The following SLC35D4 variants were observed in gnomAD, a reference collection of about 807,000 sequenced individuals.
SLC35D4 encodes UDP-N-acetylglucosamine transporter SLC35D4.
At chr18:23,285,682 C>T in the SLC35D4 span, among the ~76,000 whole-genome samples, 1 of 152,104 alleles carries the variant, frequency 6.6e-6, no homozygotes, top group Non-Finnish European at 1.5e-5. Flanking sequence ...TCTTCCTTTT[C>T]TACAGACCTA....
the SLC35D4 span, among the ~76,000 whole-genome samples, chr18:23,256,081 A>C: frequency 1.1e-4 from 16 of 152,192 alleles, no homozygotes; most frequent in African/African-American, 3.9e-4. Context: ...TTGACCAGCC[A>C]CTTACGGTAG....
chr18:23,399,501 G>A, the SLC35D4 span: 6 of 1,442,020 alleles, frequency 4.2e-6, no homozygotes, highest in Admixed American at 1.0e-4. Flanking sequence ...GCTGAGGCAT[G>A]ATAAGTTAAA....
the SLC35D4 span, among the ~76,000 whole-genome samples, chr18:23,271,637 T>C: frequency 6.6e-6 from 1 of 152,138 alleles, no homozygotes; most frequent in South Asian, 2.1e-4. Flanking sequence ...GTTAATGAGG[T>C]GACTCTTGGT....
At chr18:23,333,542 C>T in the SLC35D4 span, among the ~76,000 whole-genome samples, 1 of 152,162 alleles carries the variant, frequency 6.6e-6, no homozygotes, top group Non-Finnish European at 1.5e-5. Context: ...CTGAATGGCA[C>T]AGCCAAATGG....
the SLC35D4 span, among the ~76,000 whole-genome samples, chr18:23,308,557 C>A: frequency 6.6e-6 from 1 of 152,136 alleles, no homozygotes; most frequent in South Asian, 2.1e-4. Context: ...CCTACCATGT[C>A]TCCCCACCTC....
chr18:23,337,600 G>A, the SLC35D4 span, among the ~76,000 whole-genome samples: 2 of 152,004 alleles, frequency 1.3e-5, no homozygotes, highest in African/African-American at 4.8e-5. Flanking sequence ...AATGGTCTTG[G>A]AGATATTCTA....
the SLC35D4 span, chr18:23,399,629 C>T: frequency 6.2e-7 from 1 of 1,613,772 alleles, no homozygotes; most frequent in Non-Finnish European, 8.5e-7. Context: ...AAGCAGGAAG[C>T]CACACAAGAA....
chr18:23,308,403 G>A, the SLC35D4 span, among the ~76,000 whole-genome samples: 1 of 151,996 alleles, frequency 6.6e-6, no homozygotes, highest in African/African-American at 2.4e-5. Flanking sequence ...TGCCCAGTAC[G>A]CCTCCACCAC....
chr18:23,361,078 G>C, the SLC35D4 span, among the ~76,000 whole-genome samples: 1 of 122,942 alleles, frequency 8.1e-6, no homozygotes, highest in South Asian at 2.7e-4. Flanking sequence ...CTACAGCCTG[G>C]GCAAGAGAGT....
At chr18:23,326,152 G>C in the SLC35D4 span, among the ~76,000 whole-genome samples, 1 of 152,214 alleles carries the variant, frequency 6.6e-6, no homozygotes, top group Non-Finnish European at 1.5e-5. Context: ...TCAGGACAAA[G>C]CATCTAGTCC....
At chr18:23,242,527 G>A in the SLC35D4 span, among the ~76,000 whole-genome samples, 3 of 152,286 alleles carry the variant, frequency 2.0e-5, no homozygotes, top group South Asian at 4.1e-4. Flanking sequence ...GCCCAGGTCG[G>A]TAGTGGGTTT....
the SLC35D4 span, among the ~76,000 whole-genome samples, chr18:23,303,252 G>A: frequency 6.6e-6 from 1 of 152,196 alleles, no homozygotes; most frequent in Non-Finnish European, 1.5e-5. Context: ...ATTCCTTCAG[G>A]CTGAAAACAC....
the SLC35D4 span, among the ~76,000 whole-genome samples, chr18:23,246,399 GTTTT>G: frequency 6.7e-6 from 1 of 148,884 alleles, no homozygotes; most frequent in Non-Finnish European, 1.5e-5. Flanking sequence ...TTGTTTTTTG[GTTTT>G]TTTTTTGAGA....
At chr18:23,384,230 G>A in the SLC35D4 span, among the ~76,000 whole-genome samples, 1 of 152,140 alleles carries the variant, frequency 6.6e-6, no homozygotes, top group Non-Finnish European at 1.5e-5. Context: ...ATTTGAGGCT[G>A]CAGGGAACTA....
the SLC35D4 span, among the ~76,000 whole-genome samples, chr18:23,262,028 TTGG>T: frequency 6.6e-6 from 1 of 152,192 alleles, no homozygotes; most frequent in Non-Finnish European, 1.5e-5. Context: ...CCATTCCTCC[TTGG>T]TGATTTGTAT....
chr18:23,372,315 AC>A, the SLC35D4 span, among the ~76,000 whole-genome samples: 3 of 152,144 alleles, frequency 2.0e-5, no homozygotes, highest in African/African-American at 4.8e-5. Flanking sequence ...GGGCATTAGA[AC>A]AGGGGTAAAC....
the SLC35D4 span, among the ~76,000 whole-genome samples, chr18:23,426,367 C>T: frequency 1.3e-5 from 2 of 152,064 alleles, no homozygotes; most frequent in African/African-American, 4.8e-5. Flanking sequence ...TTCCTATACA[C>T]CAATAACAGA....
chr18:23,343,176 G>A, the SLC35D4 span, among the ~76,000 whole-genome samples: 1 of 152,192 alleles, frequency 6.6e-6, no homozygotes, highest in Non-Finnish European at 1.5e-5. Flanking sequence ...ACCTGCCTCG[G>A]CTTCCCAGAG....
At chr18:23,334,438 AG>A in the SLC35D4 span, among the ~76,000 whole-genome samples, 2 of 152,236 alleles carry the variant, frequency 1.3e-5, no homozygotes, top group African/African-American at 2.4e-5. Flanking sequence ...CAAACTGCAC[AG>A]AAACAACCAA....
Sources: allele counts gnomAD v4.1 joint callset (sites outside exome capture counted in the v4.1 genomes callset), GRCh38; gene constraint gnomAD v4.1.1; transcripts MANE v1.5; gene names NCBI Gene and HGNC (gene_info 2026-07-23, HGNC 2026-07-21).